LGR5: variants seen among roughly 807,000 people sequenced by gnomAD.
The protein encoded by LGR5 is leucine rich repeat containing G protein-coupled receptor 5, also known as leucine-rich repeat-containing G protein-coupled receptor 5.
In LGR5, 54 loss-of-function variants were observed where a neutral mutation model predicts 76.7. That is an observed-to-expected ratio of 0.70 (90% confidence interval 0.57 to 0.88). The LOEUF (loss-of-function observed/expected upper bound fraction) is 0.88, where lower values mean the gene tolerates loss of function less well. LGR5 is among the 40% of genes least tolerant of loss of function. The pLI is 0.00. For missense variants in LGR5, 1,078 were observed against 1,073.3 expected, an observed-to-expected ratio of 1.00 and a Z score of -0.06; for synonymous variants, 406 against 421.9, an observed-to-expected ratio of 0.96 and a Z score of 0.46.
chr12:71,521,711 G>C (rs955017869), intron 2 of LGR5, among the ~76,000 whole-genome samples: 2 of 152,126 alleles, frequency 1.3e-5, no homozygotes, highest in African/African-American at 2.4e-5. Flanking sequence ...ATGGATACTG[G>C]GGGACAGTCA....
At chr12:71,456,799 A>T (rs963876601) in intron 1 of LGR5, among the ~76,000 whole-genome samples, 1 of 152,202 alleles carries the variant, frequency 6.6e-6, no homozygotes, top group African/African-American at 2.4e-5. Flanking sequence ...GCAACAAGGA[A>T]TAGCATTCAT....
intron 4 of LGR5, among the ~76,000 whole-genome samples, chr12:71,545,748 T>A (rs576687000): frequency 2.6e-4 from 39 of 152,116 alleles, no homozygotes; most frequent in Non-Finnish European, 5.0e-4. Context: ...AAGATACAGA[T>A]TTGTGTGATA....
Position 71,571,516 on chromosome 12 carries a change from A to T in LGR5, c.1073A>T (p.Asp358Val). 6.2e-7 allele frequency: 1 copy of T among 1,606,578 alleles called. No homozygotes were observed. Among genetic ancestry groups the T allele is most frequent in the Non-Finnish European group, 8.5e-7 (1 of 1,175,974 alleles). ...TTTTTGCACCTTCTGTTTTTCAGAG[A>T]TCTGTCTTACAACCTATTAGAAGAT... ...CNQLPNLQVL[D>V]LSYNLLEDLP... is the part of the protein sequence containing the mutation. Residue 358 changes from aspartate to valine, a missense_variant and splice_region_variant, in exon 12 of 18, where the codon GAT becomes GTT. Transcript: ENST00000266674.
At chr12:71,471,330 GTACTGATACATGA>G in intron 1 of LGR5, among the ~76,000 whole-genome samples, 1 of 152,150 alleles carries the variant, frequency 6.6e-6, no homozygotes, top group Admixed American at 6.5e-5. Flanking sequence ...AAGAAATTAA[GTACTGATACATGA>G]TACAATATGA....
intron 2 of LGR5, among the ~76,000 whole-genome samples, chr12:71,506,932 C>T (rs760179106): frequency 1.4e-4 from 22 of 151,986 alleles, no homozygotes; most frequent in Non-Finnish European, 2.5e-4. Flanking sequence ...TTTAACAGAA[C>T]ATTTTTTTTA....
At position 71,524,440 on chromosome 12, in the gene LGR5, A is replaced by G. The variant is rs1414270325; in HGVS notation, c.319A>G (p.Lys107Glu). 1 of 1,613,432 alleles carries G rather than the reference A, an allele frequency of 6.2e-7. No homozygotes were observed. ...LAGNALTYIP[K>E]GAFTGLYSLK... The stretch of plus-strand genomic sequence containing the variant: ...GGGAAACGCTCTGACATACATTCCC[A>G]AGGGAGCATTCACTGGCCTTTACAG... Residue 107 changes from lysine (K) to glutamate (E), a missense_variant, in exon 3 of 18, where the codon AAG becomes GAG. Lys to Glu is a moderately conservative substitution (Grantham distance 56). Transcript: ENST00000266674.
Position 71,566,917 on chromosome 12 carries a change from G to A in LGR5, c.1070+5G>A, listed in dbSNP as rs776605980. On this transcript the variant is annotated splice_donor_5th_base_variant and intron_variant, in intron 11 of 17. Transcript: ENST00000266674. Reference sequence around the variant, plus strand: ...GTTACCTAATCTCCAAGTGCTGTGCGTATCAGTAAGGCAATAATGTTGTGT... The same window carrying A: ...GTTACCTAATCTCCAAGTGCTGTGCATATCAGTAAGGCAATAATGTTGTGT... The A allele has an allele frequency of 3.1e-6, 5 of 1,603,758 alleles. No individual in the cohort carries two copies. The highest frequency in any genetic ancestry group is 2.6e-6 in the Non-Finnish European group (3 of 1,170,572).
chr12:71,471,100 A>T (rs1873084346), intron 1 of LGR5, among the ~76,000 whole-genome samples: 1 of 152,238 alleles, frequency 6.6e-6, no homozygotes. Context: ...TAATGAATTA[A>T]CAAATTCTTT....
intron 11 of LGR5, among the ~76,000 whole-genome samples, chr12:71,567,512 A>C (rs1320405536): frequency 6.6e-6 from 1 of 152,146 alleles, no homozygotes; most frequent in Non-Finnish European, 1.5e-5. Flanking sequence ...CTTCTCCCTC[A>C]ACTTCCACTC....
chr12:71,476,680 T>C (rs1035558302), intron 1 of LGR5, among the ~76,000 whole-genome samples: 2 of 152,124 alleles, frequency 1.3e-5, no homozygotes, highest in Admixed American at 6.6e-5. Context: ...CACACTATGG[T>C]CAAAAGAACT....
chr12:71,568,901 T>A (rs142313107), intron 11 of LGR5, among the ~76,000 whole-genome samples: 2 of 152,294 alleles, frequency 1.3e-5, no homozygotes, highest in East Asian at 3.9e-4. Flanking sequence ...ATGTGTAACT[T>A]TCCCCACTTA....
chr12:71,496,109 C>T (rs190207371), intron 1 of LGR5, among the ~76,000 whole-genome samples: 27 of 152,146 alleles, frequency 1.8e-4, no homozygotes, highest in African/African-American at 4.1e-4. Flanking sequence ...AGGTGGCTCA[C>T]GCCTGTAATC....
At chr12:71,461,959 T>C (rs1023843178) in intron 1 of LGR5, among the ~76,000 whole-genome samples, 10 of 152,168 alleles carry the variant, frequency 6.6e-5, no homozygotes, top group African/African-American at 2.4e-4. Flanking sequence ...CGGGTGTGAA[T>C]TTGGCCATGG....
chr12:71,489,260 A>C (rs1873961581), intron 1 of LGR5, among the ~76,000 whole-genome samples: 1 of 152,178 alleles, frequency 6.6e-6, no homozygotes, highest in South Asian at 2.1e-4. Flanking sequence ...AGTACTTTTT[A>C]ACAATTTGAA....
chr12:71,526,164 T>C (rs1233362364), intron 3 of LGR5, among the ~76,000 whole-genome samples: 4 of 152,182 alleles, frequency 2.6e-5, no homozygotes, highest in Non-Finnish European at 5.9e-5. Flanking sequence ...ATTTTTCAAC[T>C]TTTTCTTCAT....
chr12:71,580,912 AG>A (rs1485323959), intron 16 of LGR5, among the ~76,000 whole-genome samples: 1 of 152,244 alleles, frequency 6.6e-6, no homozygotes, highest in East Asian at 1.9e-4. Context: ...TACTTGAGAA[AG>A]AGAAAACTAG....
chr12:71,559,261 C>A (rs1448946332), intron 6 of LGR5, among the ~76,000 whole-genome samples: 1 of 147,924 alleles, frequency 6.8e-6, no homozygotes, highest in African/African-American at 2.5e-5. Flanking sequence ...GCTCCATCCG[C>A]CAGCCGTCAA....
intron 12 of LGR5, among the ~76,000 whole-genome samples, chr12:71,572,214 C>T (rs1274352622): frequency 6.6e-6 from 1 of 151,896 alleles, no homozygotes; most frequent in African/African-American, 2.4e-5. Context: ...TCCCGAGTAG[C>T]TGGGATTACA....
At chr12:71,529,833 G>A (rs979943205) in intron 3 of LGR5, among the ~76,000 whole-genome samples, 3 of 151,840 alleles carry the variant, frequency 2.0e-5, no homozygotes, top group Non-Finnish European at 4.4e-5. Context: ...GTGCACCCCT[G>A]TAATCCCAGC....
Sources: gnomAD v4.1 joint callset for allele counts (sites outside exome capture counted in the v4.1 genomes callset) on GRCh38, gnomAD v4.1.1 for gene constraint, MANE v1.5 for transcripts, NCBI Gene and HGNC (gene_info 2026-07-23, HGNC 2026-07-21) for gene names.